Variants in EPHA5 observed in about 807,000 individuals in gnomAD.
EPHA5 encodes the protein EPH receptor A5, also known as ephrin type-A receptor 5.
A neutral mutation model predicts 105.0 loss-of-function variants in EPHA5; 60 were observed. The observed-to-expected ratio is 0.57, with a 90% CI of 0.46 to 0.71. The LOEUF (loss-of-function observed/expected upper bound fraction) is 0.71, where lower values mean the gene tolerates loss of function less well. Among genes scored for constraint, EPHA5 ranks in the 30% least tolerant of loss-of-function variants. The pLI is 0.00. For missense variants in EPHA5, 1,218 were observed against 1,274.7 expected, an observed-to-expected ratio of 0.96 and a Z score of 0.68; for synonymous variants, 513 against 449.1, an observed-to-expected ratio of 1.14 and a Z score of -1.80.
At chr4:65,442,698 T>C (rs1395427592) in intron 5 of EPHA5, among the ~76,000 whole-genome samples, 1 of 152,210 alleles carries the variant, frequency 6.6e-6, no homozygotes, top group Non-Finnish European at 1.5e-5. Context: ...TGAGTTTCTA[T>C]AAATAATAAA....
At chr4:65,504,925 GTTT>G (rs1379054875) in intron 3 of EPHA5, among the ~76,000 whole-genome samples, 2 of 151,838 alleles carry the variant, frequency 1.3e-5, no homozygotes, top group Non-Finnish European at 2.9e-5. Flanking sequence ...ATAAATTTAC[GTTT>G]TTATTTTACT....
At chr4:65,587,837 G>A (rs552283436) in intron 3 of EPHA5, among the ~76,000 whole-genome samples, 4 of 152,162 alleles carry the variant, frequency 2.6e-5, no homozygotes, top group South Asian at 2.1e-4. Context: ...AATAGGGTCC[G>A]AATCTCTCTT....
chr4:65,608,227 T>C (rs1006296391), intron 2 of EPHA5, among the ~76,000 whole-genome samples: 16 of 152,202 alleles, frequency 1.1e-4, no homozygotes, highest in Non-Finnish European at 7.4e-5. Flanking sequence ...CCCATGATTT[T>C]AGAAAGTGCC....
chr4:65,418,278 G>A (rs1360372874), intron 6 of EPHA5, among the ~76,000 whole-genome samples: 1 of 152,078 alleles, frequency 6.6e-6, no homozygotes, highest in Non-Finnish European at 1.5e-5. Flanking sequence ...ACAAAAACTT[G>A]AATAAGAAAT....
At chr4:65,454,291 A>AATAATAAT (rs1553918839) in intron 5 of EPHA5, among the ~76,000 whole-genome samples, 4 of 149,856 alleles carry the variant, frequency 2.7e-5, no homozygotes, top group Non-Finnish European at 5.9e-5. Flanking sequence ...TAATAATAAT[A>AATAATAAT]AATAATAATA....
At chr4:65,366,118 C>T in intron 9 of EPHA5, 61 bp from the exon 10 acceptor site, 4 of 1,471,512 alleles carry the variant, frequency 2.7e-6, no homozygotes, top group Non-Finnish European at 3.7e-6. Flanking sequence ...AAATTATGAA[C>T]TTTATTAACA....
chr4:65,646,698 A>G (rs949317093), intron 1 of EPHA5, among the ~76,000 whole-genome samples: 1 of 152,136 alleles, frequency 6.6e-6, no homozygotes, highest in African/African-American at 2.4e-5. Flanking sequence ...TCATCTATCA[A>G]TGTACCAGAT....
At chr4:65,374,675 A>G (rs184100833) in intron 8 of EPHA5, among the ~76,000 whole-genome samples, 55 of 152,096 alleles carry the variant, frequency 3.6e-4, no homozygotes, top group African/African-American at 1.3e-3. Flanking sequence ...TATATGTATC[A>G]TATTATATTA....
intron 4 of EPHA5, 51 bp from the exon 5 acceptor site, chr4:65,490,763 A>G: frequency 6.5e-7 from 1 of 1,548,250 alleles, no homozygotes; most frequent in Non-Finnish European, 8.8e-7. Context: ...GGTATTAATT[A>G]GGCATTATTT....
chr4:65,648,119 A>C (rs1208249598), intron 1 of EPHA5, among the ~76,000 whole-genome samples: 1 of 152,214 alleles, frequency 6.6e-6, no homozygotes, highest in Non-Finnish European at 1.5e-5. Context: ...ATATTTGTTG[A>C]GATTCAAGGA....
intron 5 of EPHA5, among the ~76,000 whole-genome samples, chr4:65,444,981 A>C (rs997827001): frequency 6.6e-6 from 1 of 152,146 alleles, no homozygotes; most frequent in African/African-American, 2.4e-5. Flanking sequence ...AATATAGCAA[A>C]GAAATAAATA....
At chr4:65,430,614 G>T (rs1216511891) in intron 5 of EPHA5, among the ~76,000 whole-genome samples, 27 of 152,062 alleles carry the variant, frequency 1.8e-4, no homozygotes, top group Admixed American at 1.8e-3. Context: ...TCATTAGGAA[G>T]TAGAAACTAT....
chr4:65,420,497 C>G lies in EPHA5; in HGVS notation c.1471G>C (p.Glu491Gln), dbSNP rs2149036915. ...ATGATTCCATTGGGACGATCTGGTT[C>G]TTGCCAAGACAAAGAGATGCTGTTT... Reference protein sequence around the residue: ...AKNSISLSWQEPDRPNGIILE... With the variant: ...AKNSISLSWQQPDRPNGIILE... The change falls in exon 6 of 17, where the codon GAA (glutamate) becomes CAA (glutamine). Residue 491 changes from glutamate (E) to glutamine (Q), a missense_variant. Coordinates refer to ENST00000613740, the MANE Select transcript of EPHA5 (RefSeq NM_001281766.3). 1 of 1,612,800 alleles carries G rather than the reference C, an allele frequency of 6.2e-7. No individual in the cohort carries two copies. The highest frequency in any genetic ancestry group is 8.5e-7 in the Non-Finnish European group (1 of 1,179,402).
At chr4:65,584,913 C>G (rs1741969974) in intron 3 of EPHA5, among the ~76,000 whole-genome samples, 1 of 151,612 alleles carries the variant, frequency 6.6e-6, no homozygotes, top group East Asian at 1.9e-4. Context: ...TTTTAAATGC[C>G]TTGGTGAGAA....
intron 2 of EPHA5, among the ~76,000 whole-genome samples, chr4:65,627,831 T>C (rs1439991836): frequency 3.3e-5 from 5 of 152,176 alleles, no homozygotes; most frequent in Admixed American, 2.6e-4. Flanking sequence ...TATGAAATAA[T>C]TCTAGTGTTA....
intron 2 of EPHA5, among the ~76,000 whole-genome samples, chr4:65,632,098 C>T (rs1445750288): frequency 6.6e-6 from 1 of 151,872 alleles, no homozygotes; most frequent in Non-Finnish European, 1.5e-5. Flanking sequence ...TAGTATTATA[C>T]ATAATGTATA....
At chr4:65,465,466 AAAAAG>A (rs1560566813) in intron 5 of EPHA5, among the ~76,000 whole-genome samples, 39 of 16,228 alleles carry the variant, frequency 2.4e-3, no homozygotes, top group African/African-American at 5.3e-3. Flanking sequence ...GAAAAGAAAG[AAAAAG>A]AAAGAAAGAA....
chr4:65,422,051 A>G (rs776068518), intron 5 of EPHA5, among the ~76,000 whole-genome samples: 80 of 152,308 alleles, frequency 5.3e-4, no homozygotes, highest in Middle Eastern at 3.4e-3. Flanking sequence ...TTTGTTATTT[A>G]CTTGCATTAA....
At chr4:65,337,696 C>A (rs17086101) in intron 14 of EPHA5, among the ~76,000 whole-genome samples, 4,207 of 152,044 alleles carry the variant, frequency 0.028, 203 homozygotes, top group African/African-American at 0.095. Context: ...AGAGAATACC[C>A]AGATGGCAAT....
Sources: allele counts gnomAD v4.1 joint callset (sites outside exome capture counted in the v4.1 genomes callset), GRCh38; gene constraint gnomAD v4.1.1; transcripts MANE v1.5; gene names NCBI Gene and HGNC (gene_info 2026-07-23, HGNC 2026-07-21).